The following NLRP5 variants were observed in gnomAD, a reference collection of about 807,000 sequenced individuals.
The protein encoded by NLRP5 is NACHT, LRR and PYD domains-containing protein 5.
Under a neutral mutation model 113.1 loss-of-function variants are expected in NLRP5, and 93 were observed. That is an observed-to-expected ratio of 0.82 (90% CI 0.70 to 0.98). The LOEUF is 0.98. Ranked by LOEUF, NLRP5 falls within the 50% of genes least tolerant of loss-of-function variation. The pLI is 0.00. For missense variants in NLRP5, 1,808 were observed against 1,514.3 expected (o/e 1.19, Z -3.22); for synonymous variants, 751 against 600.7 (o/e 1.25, Z -3.66).
chr19:55,998,668 G>GTGTC (rs1366335513), upstream of NLRP5, among the ~76,000 whole-genome samples: 7,520 of 70,952 alleles, frequency 0.11, 549 homozygotes, highest in African/African-American at 0.17. Context: ...ATGTGTGTGT[G>GTGTC]TGTGTATATA....
intron 11 of NLRP5, 69 bp downstream of exon 11, chr19:56,041,161 C>A: frequency 6.6e-7 from 1 of 1,503,884 alleles, no homozygotes; most frequent in South Asian, 1.2e-5. Flanking sequence ...GCTCTCAAAG[C>A]AGAAGGCAGT....
At chr19:56,031,590 C>A (rs547275118) in intron 7 of NLRP5, among the ~76,000 whole-genome samples, 1 of 147,256 alleles carries the variant, frequency 6.8e-6, no homozygotes, top group Admixed American at 6.9e-5. Flanking sequence ...AAGATCATGC[C>A]ACTGCACTCC....
the NLRP5 span, among the ~76,000 whole-genome samples, chr19:55,990,681 C>T: frequency 7.9e-3 from 1,198 of 152,050 alleles, 22 homozygotes; most frequent in African/African-American, 0.027. Flanking sequence ...AAAAATTAGC[C>T]GGGCATGGTG....
chr19:55,988,586 C>T, the NLRP5 span: 1 of 150,072 alleles, frequency 6.7e-6, no homozygotes, highest in Non-Finnish European at 1.5e-5. Context: ...ATGTATGAAC[C>T]TGCTCAATCA....
chr19:56,059,649 C>T (rs1011894729), intron 14 of NLRP5, among the ~76,000 whole-genome samples: 1 of 152,180 alleles, frequency 6.6e-6, no homozygotes, highest in African/African-American at 2.4e-5. Flanking sequence ...ATTCTGCTGC[C>T]TCAGCCTCCT....
In NLRP5 at chr19:56,004,092, A is replaced by C; in HGVS notation, c.439A>C (p.Lys147Gln). Residue 147 changes from lysine to glutamine, a missense_variant, in exon 2 of 15, where the codon AAA becomes CAA. Transcript: ENST00000390649. ...CTCGGAGAAGGCACGGGATGACATG[A>C]AAAGTAAGCGAGACTTGGGACAAGT... is the stretch of plus-strand genomic sequence containing the variant. The C allele has an allele frequency of 6.2e-7, 1 of 1,600,806 alleles. No homozygotes were observed. The highest frequency in any genetic ancestry group is 8.5e-7 in the Non-Finnish European group (1 of 1,172,468).
intron 3 of NLRP5, among the ~76,000 whole-genome samples, 195 bp from the exon 4 acceptor site, chr19:56,015,547 G>A (rs4801662): frequency 0.11 from 16,547 of 152,178 alleles, 1,170 homozygotes; most frequent in African/African-American, 0.18. Flanking sequence ...TTTTGATTTT[G>A]AATCGTCGGA....
intron 1 of NLRP5, among the ~76,000 whole-genome samples, chr19:56,000,978 G>T (rs1237092338): frequency 6.6e-6 from 1 of 151,834 alleles, no homozygotes; most frequent in African/African-American, 2.4e-5. Context: ...CTACACTCCA[G>T]CCTGGGTGAC....
At chr19:56,028,769 T>C (rs1206996077) in intron 7 of NLRP5, among the ~76,000 whole-genome samples, 2 of 152,098 alleles carry the variant, frequency 1.3e-5, no homozygotes, top group Non-Finnish European at 2.9e-5. Context: ...AATATGTGGT[T>C]TATTTTATTA....
Position 56,027,180 on chromosome 19 carries a change from T to C in NLRP5, c.947T>C (p.Val316Ala), listed in dbSNP as rs982997763. The C allele has an allele frequency of 3.1e-6, 5 of 1,608,416 alleles. No homozygotes were observed. The East Asian group carries it at 1.1e-4, about 36-fold the overall frequency. Reference sequence around the variant, plus strand: ...CTCTACCAGGGAATGTTCTCCTACGTCTTCTTCCTCCCCGTTAGAGAGATG... The same window carrying C: ...CTCTACCAGGGAATGTTCTCCTACGCCTTCTTCCTCCCCGTTAGAGAGATG... The change falls in exon 7 of 15, where the codon GTC becomes GCC. Residue 316 changes from valine to alanine, a missense_variant. Val to Ala is a moderately conservative substitution (Grantham distance 64, BLOSUM62 0). Coordinates refer to ENST00000390649, the MANE Select transcript of NLRP5 (RefSeq NM_153447.4).
intron 1 of NLRP5, among the ~76,000 whole-genome samples, chr19:56,000,721 A>G (rs1981613102): frequency 6.6e-6 from 1 of 151,552 alleles, no homozygotes; most frequent in Non-Finnish European, 1.5e-5. Flanking sequence ...GAAATATTCA[A>G]ACTTGGTCGG....
chr19:56,033,260 AC>A, intron 8 of NLRP5, among the ~76,000 whole-genome samples: 3 of 151,632 alleles, frequency 2.0e-5, no homozygotes, highest in Non-Finnish European at 4.4e-5. Flanking sequence ...TAAACAAAAA[AC>A]AAAAAAAAAC....
rs765184328 is a variant in NLRP5 at position 56,032,602 on chromosome 19, C to T, written c.2277-9C>T. ...CCATGAGCCCATGTTTCTATCCCCC[C>T]TGACATAGGATGCGGGATAAGACCC... On this transcript the variant is annotated splice_polypyrimidine_tract_variant and intron_variant, in intron 7 of 14. Coordinates refer to ENST00000390649, the MANE Select transcript of NLRP5 (RefSeq NM_153447.4). 1.3e-5 allele frequency: 21 copies of T among 1,608,840 alleles called. No homozygotes were observed. The Admixed American group carries it at 2.5e-4, about 19-fold the overall frequency.
At chr19:56,060,251 C>T (rs1211823227) in intron 14 of NLRP5, among the ~76,000 whole-genome samples, 1 of 152,122 alleles carries the variant, frequency 6.6e-6, no homozygotes, top group African/African-American at 2.4e-5. Context: ...TCTATTTCCC[C>T]ATCTGTGAAA....
chr19:56,008,247 C>G (rs1982026889), intron 2 of NLRP5, among the ~76,000 whole-genome samples: 1 of 151,990 alleles, frequency 6.6e-6, no homozygotes, highest in Admixed American at 6.6e-5. Context: ...TTTTTAAGAA[C>G]TAAATGCAGA....
rs375054262 is a variant in NLRP5 at position 56,028,360 on chromosome 19, A to G, written c.2127A>G (p.Glu709=). Residue 709 remains glutamate (E), a synonymous_variant, in exon 7 of 15, where the codon GAA becomes GAG. Coordinates refer to ENST00000390649, the MANE Select transcript of NLRP5 (RefSeq NM_153447.4). ...GCTTGGCATTAAACAGCTTCCAAGAAGTGTGGCTTCCGATTAACCAGAACC... is the reference window on the plus strand; with the variant it reads ...GCTTGGCATTAAACAGCTTCCAAGAGGTGTGGCTTCCGATTAACCAGAACC... 3 of 1,613,850 alleles carry G rather than the reference A, an allele frequency of 1.9e-6. No individual in the cohort carries two copies. In the African/African-American group the frequency reaches 4.0e-5, roughly 22 times the overall value.
chr19:56,040,873 CT>C (rs1568497563), intron 10 of NLRP5, 48 bp from the exon 11 acceptor site: 2 of 1,521,636 alleles, frequency 1.3e-6, no homozygotes, highest in Non-Finnish European at 1.8e-6. Flanking sequence ...AAAGATGGAA[CT>C]TTAAGAAGGC....
chr19:55,999,911 A>G (rs1981565919), intron 1 of NLRP5: 1 of 745,000 alleles, frequency 1.3e-6, no homozygotes, highest in African/African-American at 1.7e-5. Context: ...CCGTTGCAGC[A>G]GAACACTCCC....
At chr19:55,993,095 C>T in the NLRP5 span, among the ~76,000 whole-genome samples, 1 of 151,636 alleles carries the variant, frequency 6.6e-6, no homozygotes, top group South Asian at 2.1e-4. Flanking sequence ...GTGATCCACC[C>T]ACCTCGGCCT....
Sources: allele counts gnomAD v4.1 joint callset (sites outside exome capture counted in the v4.1 genomes callset), GRCh38; gene constraint gnomAD v4.1.1; transcripts MANE v1.5; gene names NCBI Gene and HGNC (gene_info 2026-07-23, HGNC 2026-07-21).